RCL1: variants seen among roughly 807,000 people sequenced by gnomAD.
The protein encoded by RCL1 is RNA 3'-terminal phosphate cyclase-like protein.
A neutral mutation model predicts 42.4 loss-of-function variants in RCL1; 24 were observed. That is an observed-to-expected ratio of 0.57 (90% CI 0.41 to 0.80). The LOEUF is 0.80. Ranked by LOEUF, RCL1 falls within the 30% of genes least tolerant of loss-of-function variation. RCL1 has a pLI of 0.00. For missense variants in RCL1, 578 were observed against 467.9 expected (o/e 1.24, Z -2.17); for synonymous variants, 228 against 177.3 (o/e 1.29, Z -2.27).
chr9:4,859,315 A>G (rs1346732980), intron 8 of RCL1, among the ~76,000 whole-genome samples: 3 of 152,200 alleles, frequency 2.0e-5, no homozygotes, highest in Non-Finnish European at 2.9e-5. Flanking sequence ...AAATACTGTC[A>G]TACCCACAGT....
intron 1 of RCL1, among the ~76,000 whole-genome samples, chr9:4,819,749 G>A (rs1398219603): frequency 2.6e-5 from 4 of 152,236 alleles, no homozygotes; most frequent in East Asian, 1.9e-4. Flanking sequence ...GGAGGTTGCA[G>A]TGAGCCAAGA....
chr9:4,834,127 C>A lies in RCL1; in HGVS notation c.460-14C>A. 6.2e-7 allele frequency: 1 copy of A among 1,610,170 alleles called. No individual in the cohort carries two copies. Among genetic ancestry groups the A allele is most frequent in the South Asian group, 1.1e-5 (1 of 90,502 alleles). On this transcript the variant is annotated splice_polypyrimidine_tract_variant and intron_variant, in intron 4 of 8. Transcript: ENST00000381750. Reference sequence around the variant, plus strand: ...TGCTGCATCCTCGCCTCATCTTTCTCACTCTCTGTGTAGATTGTGCGACGG... The same window carrying A: ...TGCTGCATCCTCGCCTCATCTTTCTAACTCTCTGTGTAGATTGTGCGACGG...
chr9:4,822,369 G>A (rs891528896), intron 1 of RCL1, among the ~76,000 whole-genome samples: 3 of 152,234 alleles, frequency 2.0e-5, no homozygotes, highest in Non-Finnish European at 4.4e-5. Flanking sequence ...TGGGCAGGAA[G>A]TTAAAACTAA....
At position 4,844,687 on chromosome 9, in the gene RCL1, T is replaced by C; in HGVS notation, c.867+6T>C. Reference sequence around the variant, plus strand: ...TGCTGGAGGAAATCTACAGGGTATGTCCACAGCTTCCTCTGATAGAGGAGT... The same window carrying C: ...TGCTGGAGGAAATCTACAGGGTATGCCCACAGCTTCCTCTGATAGAGGAGT... On this transcript the variant is annotated splice_donor_region_variant and intron_variant, in intron 7 of 8. Coordinates refer to ENST00000381750, the MANE Select transcript of RCL1 (RefSeq NM_005772.5). 6.2e-7 allele frequency: 1 copy of C among 1,608,138 alleles called. No homozygotes were observed. Among genetic ancestry groups the C allele is most frequent in the Non-Finnish European group, 8.5e-7 (1 of 1,177,988 alleles).
intron 1 of RCL1, among the ~76,000 whole-genome samples, chr9:4,820,003 C>T (rs1816534756): frequency 6.6e-6 from 1 of 152,196 alleles, no homozygotes; most frequent in Admixed American, 6.5e-5. Flanking sequence ...ACTTTGCTAA[C>T]ATCTGTACAT....
intron 5 of RCL1, among the ~76,000 whole-genome samples, chr9:4,837,953 C>G (rs1440013661): frequency 6.6e-6 from 1 of 152,202 alleles, no homozygotes; most frequent in African/African-American, 2.4e-5. Flanking sequence ...AGATCCCTGT[C>G]TGTTAACCAA....
chr9:4,810,351 C>T (rs1376520113), intron 1 of RCL1, among the ~76,000 whole-genome samples: 3 of 152,146 alleles, frequency 2.0e-5, no homozygotes. Context: ...TTCCCTCCCA[C>T]TGCCAAGGTA....
chr9:4,824,841 G>C (rs1816707498), intron 2 of RCL1, among the ~76,000 whole-genome samples: 1 of 152,134 alleles, frequency 6.6e-6, no homozygotes, highest in African/African-American at 2.4e-5. Context: ...CCTTTAGCTT[G>C]TTTGCTTTGA....
At chr9:4,826,454 C>T (rs1816766478) in intron 2 of RCL1, among the ~76,000 whole-genome samples, 1 of 140,588 alleles carries the variant, frequency 7.1e-6, no homozygotes, top group Non-Finnish European at 1.6e-5. Context: ...AATATCATTT[C>T]AGGGGCCCTA....
chr9:4,798,193 A>G (rs897864040), intron 1 of RCL1, among the ~76,000 whole-genome samples: 3 of 152,232 alleles, frequency 2.0e-5, no homozygotes, highest in Non-Finnish European at 4.4e-5. Flanking sequence ...CCTCATCAGT[A>G]TTATAAAGCA....
intron 1 of RCL1, among the ~76,000 whole-genome samples, chr9:4,815,092 A>T (rs1816323947): frequency 6.6e-6 from 1 of 152,100 alleles, no homozygotes; most frequent in African/African-American, 2.4e-5. Flanking sequence ...ATGCCTTGGG[A>T]AGACCCTTTT....
chr9:4,803,303 CATT>C (rs1347940670), intron 1 of RCL1, among the ~76,000 whole-genome samples: 1 of 152,164 alleles, frequency 6.6e-6, no homozygotes, highest in East Asian at 1.9e-4. Context: ...AACCAAGCAC[CATT>C]ATTTAGGATA....
chr9:4,815,775 T>A (rs1816352825), intron 1 of RCL1, among the ~76,000 whole-genome samples: 1 of 152,074 alleles, frequency 6.6e-6, no homozygotes, highest in South Asian at 2.1e-4. Context: ...CACAGCTACG[T>A]ATGTATACTC....
intron 8 of RCL1, among the ~76,000 whole-genome samples, chr9:4,856,205 T>C (rs1229000416): frequency 6.6e-6 from 1 of 152,198 alleles, no homozygotes; most frequent in Non-Finnish European, 1.5e-5. Context: ...TTTTCTTTTT[T>C]CCCTAGGACA....
At chr9:4,835,215 A>G in intron 5 of RCL1, among the ~76,000 whole-genome samples, 1 of 152,240 alleles carries the variant, frequency 6.6e-6, no homozygotes, top group African/African-American at 2.4e-5. Flanking sequence ...GATACTATGC[A>G]GAACGCAAAG....
At chr9:4,845,440 G>A (rs1038669382) in intron 7 of RCL1, among the ~76,000 whole-genome samples, 4 of 152,158 alleles carry the variant, frequency 2.6e-5, no homozygotes, top group Admixed American at 6.5e-5. Flanking sequence ...TCATTGCAAC[G>A]GGCACATATG....
At chr9:4,830,712 C>T (rs1009496279) in intron 3 of RCL1, among the ~76,000 whole-genome samples, 6 of 152,156 alleles carry the variant, frequency 3.9e-5, no homozygotes, top group South Asian at 2.1e-4. Flanking sequence ...TGTGTATATC[C>T]ATATCTGTTT....
At chr9:4,832,338 C>T (rs569717537) in intron 3 of RCL1, among the ~76,000 whole-genome samples, 5 of 152,198 alleles carry the variant, frequency 3.3e-5, no homozygotes, top group Admixed American at 6.5e-5. Context: ...AAATCATCAC[C>T]TTCCCTTTAG....
chr9:4,833,443 T>G (rs552756287), intron 4 of RCL1, among the ~76,000 whole-genome samples: 1 of 152,312 alleles, frequency 6.6e-6, no homozygotes, highest in East Asian at 1.9e-4. Flanking sequence ...GTTGCACTTC[T>G]TTTGCGGTGG....
Sources: allele counts gnomAD v4.1 joint callset (sites outside exome capture counted in the v4.1 genomes callset), GRCh38; gene constraint gnomAD v4.1.1; transcripts MANE v1.5; gene names NCBI Gene and HGNC (gene_info 2026-07-23, HGNC 2026-07-21).